Variants in RAD21L1 observed in about 807,000 individuals in gnomAD.
RAD21L1 encodes double-strand-break repair protein rad21-like protein 1.
Under a neutral mutation model 69.0 loss-of-function variants are expected in RAD21L1, and 47 were observed. That is an observed-to-expected ratio of 0.68 (90% CI 0.54 to 0.87). The LOEUF (loss-of-function observed/expected upper bound fraction) is 0.87, where lower values mean the gene tolerates loss of function less well. RAD21L1 is among the 40% of genes least tolerant of loss of function. The probability of loss-of-function intolerance (pLI) is 0.00; values close to 1 mark genes in which losing one functional copy is unlikely to be tolerated. For synonymous variants in RAD21L1, 177 were observed against 205.8 expected (o/e 0.86, Z 1.20); for missense variants, 583 against 647.6 (o/e 0.90, Z 1.08).
chr20:1,228,757 A>T (rs754324535), intron 2 of RAD21L1, among the ~76,000 whole-genome samples, 160 bp downstream of exon 2: 8 of 152,210 alleles, frequency 5.3e-5, no homozygotes, highest in Non-Finnish European at 1.0e-4. Context: ...TAACAAACCT[A>T]TTGGTTTCTG....
chr20:1,229,463 CA>C (rs983262329), intron 2 of RAD21L1, among the ~76,000 whole-genome samples: 1 of 152,096 alleles, frequency 6.6e-6, no homozygotes, highest in African/African-American at 2.4e-5. Flanking sequence ...TGCAGTGAGC[CA>C]AGATTGCGCC....
chr20:1,234,180 C>A lies in RAD21L1; in HGVS notation c.464C>A (p.Ala155Asp), dbSNP rs2087450246. Reference sequence around the variant, plus strand: ...TTTGACAATGATCTAATTTTCCAAGCTGAGAGCTTTGGTGAGAATATTTGA... The same window carrying A: ...TTTGACAATGATCTAATTTTCCAAGATGAGAGCTTTGGTGAGAATATTTGA... ...ENFDNDLIFQ[A>D]ESFGEESEIL... Residue 155 changes from alanine (A) to aspartate (D), a missense_variant, in exon 5 of 14, where the codon GCT becomes GAT. Ala to Asp is a moderately radical substitution (Grantham distance 126). Transcript: ENST00000683101. 4 of 1,460,086 alleles carry A rather than the reference C, an allele frequency of 2.7e-6. No individual in the cohort carries two copies. The highest frequency in any genetic ancestry group is 3.8e-6 in the Non-Finnish European group (4 of 1,065,314). The allele number at this position is 1,460,086 out of a possible 1,614,324, so 90.4% of individuals were successfully genotyped here. A position where few individuals can be genotyped will look rare whatever the true frequency, so the allele number is the denominator to read the frequency against.
intron 2 of RAD21L1, among the ~76,000 whole-genome samples, chr20:1,229,256 A>G (rs2087335381): frequency 1.3e-5 from 2 of 152,216 alleles, no homozygotes; most frequent in South Asian, 4.1e-4. Flanking sequence ...TTGCTTTATC[A>G]CTTAATATGT....
At chr20:1,247,346 A>G (rs536479491) in intron 12 of RAD21L1, among the ~76,000 whole-genome samples, 1 of 152,296 alleles carries the variant, frequency 6.6e-6, no homozygotes, top group South Asian at 2.1e-4. Context: ...TTAGTTGTGC[A>G]TTATAGATGA....
chr20:1,250,605 A>G (rs2087809283), intron 13 of RAD21L1, among the ~76,000 whole-genome samples: 1 of 152,184 alleles, frequency 6.6e-6, no homozygotes, highest in Non-Finnish European at 1.5e-5. Flanking sequence ...CCAGTCTATC[A>G]TTGATGGACA....
At chr20:1,238,588 G>T (rs558886252) in intron 6 of RAD21L1, among the ~76,000 whole-genome samples, 1 of 151,812 alleles carries the variant, frequency 6.6e-6, no homozygotes, top group African/African-American at 2.4e-5. Context: ...TTATTTTCCA[G>T]AATTTTATAT....
At chr20:1,228,960 CA>C (rs2087326312) in intron 2 of RAD21L1, among the ~76,000 whole-genome samples, 1 of 151,966 alleles carries the variant, frequency 6.6e-6, no homozygotes, top group South Asian at 2.1e-4. Flanking sequence ...GTTATAAATC[CA>C]AAAATATGTG....
rs150932720 is a variant in RAD21L1 at position 1,248,035 on chromosome 20, C to A, written c.1402-591C>A. ...TGAGGTATTTCTGAAAGTGGTTAAG[C>A]CTTAAATACCAAAAAAAAAAAAAAA... On this transcript the variant is annotated intron_variant, in intron 12 of 13. Coordinates refer to ENST00000683101, the MANE Select transcript of RAD21L1 (RefSeq NM_001384355.1). 7.2e-3 allele frequency among the ~76,000 whole-genome samples: 897 copies of A among 124,642 alleles called. 4 individuals carry two copies. Among genetic ancestry groups the A allele is most frequent in the Middle Eastern group, 0.014 (3 of 210 alleles). The allele number at this position is 124,642 out of a possible 152,430, so 81.8% of individuals were successfully genotyped here. A position where few individuals can be genotyped will look rare whatever the true frequency, so the allele number is the denominator to read the frequency against.
intron 8 of RAD21L1, 125 bp from the exon 9 acceptor site, chr20:1,242,494 A>C (rs774187810): frequency 6.9e-6 from 5 of 721,438 alleles, no homozygotes; most frequent in Non-Finnish European, 1.2e-5. Flanking sequence ...CAGCCTCTTG[A>C]AGTGCTAGGA....
chr20:1,243,988 A>G, intron 10 of RAD21L1, 58 bp from the exon 11 acceptor site: 1 of 1,462,706 alleles, frequency 6.8e-7, no homozygotes, highest in African/African-American at 1.4e-5. Context: ...CAACCATATC[A>G]CAATTCAAGT....
In RAD21L1 at chr20:1,228,415, T is replaced by C; in HGVS notation, c.-32-7T>C. 7.3e-7 allele frequency: 1 copy of C among 1,377,728 alleles called. No individual in the cohort carries two copies. Among genetic ancestry groups the C allele is most frequent in the South Asian group, 1.8e-5 (1 of 56,928 alleles). 85.3% of individuals were successfully genotyped at this position (1,377,728 alleles called of 1,614,324 possible). A position where few individuals can be genotyped will look rare whatever the true frequency, so the allele number is the denominator to read the frequency against. On this transcript the variant is annotated splice_region_variant and splice_polypyrimidine_tract_variant and intron_variant, in intron 1 of 13. Transcript: ENST00000683101. ...AAATTTTAAATTTCTTTTCGTGTTC[T>C]CTCTAGTTTGTTAAATACAAGTAAG...
rs1411019597 is a variant in RAD21L1, at chr20:1,238,063, C to T, written c.495C>T (p.Leu165=). ...AESFGEESEI[L]RRHSFFDDNI... ...ATTTAGGGGAGGAATCTGAAATTCT[C>T]AGAAGACATAGCTTCTTTGATGACA... is the stretch of plus-strand genomic sequence containing the variant. Residue 165 remains leucine, a synonymous_variant, in exon 6 of 14, where the codon CTC becomes CTT. Coordinates refer to ENST00000683101, the MANE Select transcript of RAD21L1 (RefSeq NM_001384355.1). The T allele has an allele frequency of 6.6e-7, 1 of 1,513,628 alleles. No homozygotes were observed. The highest frequency in any genetic ancestry group is 2.5e-5 in the East Asian group (1 of 40,538). The allele number at this position is 1,513,628 out of a possible 1,614,324, so 93.8% of individuals were successfully genotyped here. A position where few individuals can be genotyped will look rare whatever the true frequency, so the allele number is the denominator to read the frequency against.
intron 8 of RAD21L1, among the ~76,000 whole-genome samples, chr20:1,240,637 G>A (rs186275373): frequency 2.6e-4 from 40 of 152,218 alleles, no homozygotes; most frequent in African/African-American, 9.6e-4. Flanking sequence ...AGAATTGGGG[G>A]TTGGACACCG....
At chr20:1,229,009 T>C (rs1319379257) in intron 2 of RAD21L1, among the ~76,000 whole-genome samples, 1 of 152,240 alleles carries the variant, frequency 6.6e-6, no homozygotes, top group Non-Finnish European at 1.5e-5. Context: ...ATGTTCATTA[T>C]AAAACATTAA....
chr20:1,245,515 G>A (rs2087700873), intron 11 of RAD21L1, among the ~76,000 whole-genome samples: 1 of 152,140 alleles, frequency 6.6e-6, no homozygotes, highest in Non-Finnish European at 1.5e-5. Context: ...CTATCTTAGA[G>A]GAGGCCCTTA....
At chr20:1,240,527 G>A (rs970084) in intron 8 of RAD21L1, 93 bp downstream of exon 8, 252,115 of 1,448,594 alleles carry the variant, frequency 0.17, 23,317 homozygotes, top group Middle Eastern at 0.23. Flanking sequence ...TATTATAGGA[G>A]ATAGTCAATC....
At chr20:1,228,696 G>T in intron 2 of RAD21L1, 99 bp downstream of exon 2, 1 of 855,832 alleles carries the variant, frequency 1.2e-6, no homozygotes, top group Non-Finnish European at 1.7e-6. Flanking sequence ...TTTCAAGGAA[G>T]TTTTACTTGT....
chr20:1,241,296 A>G (rs2087602377), intron 8 of RAD21L1, among the ~76,000 whole-genome samples: 1 of 152,254 alleles, frequency 6.6e-6, no homozygotes, highest in Non-Finnish European at 1.5e-5. Context: ...GCAGAATAAA[A>G]AGATCAGAGG....
At chr20:1,232,822 C>G (rs757015521) in intron 4 of RAD21L1, among the ~76,000 whole-genome samples, 3 of 152,054 alleles carry the variant, frequency 2.0e-5, no homozygotes, top group Non-Finnish European at 4.4e-5. Flanking sequence ...CCAGAATGAC[C>G]TTTTAGGAAC....
Sources: allele counts gnomAD v4.1 joint callset (sites outside exome capture counted in the v4.1 genomes callset), GRCh38; gene constraint gnomAD v4.1.1; transcripts MANE v1.5; gene names NCBI Gene and HGNC (gene_info 2026-07-23, HGNC 2026-07-21).